Variants in MYO6 observed in about 807,000 individuals in gnomAD.
MYO6 encodes the protein unconventional myosin-VI.
MYO6 carries 74 observed loss-of-function variants against 178.7 expected under a neutral mutation model. The ratio of observed to expected loss-of-function variants is 0.41; its 90% CI spans 0.34 to 0.50. MYO6 has a LOEUF of 0.50. Ranked by LOEUF, MYO6 falls within the 20% of genes least tolerant of loss-of-function variation. MYO6 has a pLI of 0.09. For synonymous variants in MYO6, 477 were observed against 504.6 expected (o/e 0.95, Z 0.73); for missense variants, 1,330 against 1,547.4 (o/e 0.86, Z 2.36).
chr6:75,901,783 G>C (rs898042381), intron 30 of MYO6, among the ~76,000 whole-genome samples: 5 of 152,164 alleles, frequency 3.3e-5, no homozygotes, highest in African/African-American at 1.2e-4. Context: ...TGGTGAGAGA[G>C]GGCATCCCTG....
chr6:75,815,219 A>C (rs1771097551), intron 1 of MYO6, among the ~76,000 whole-genome samples: 1 of 152,206 alleles, frequency 6.6e-6, no homozygotes, highest in African/African-American at 2.4e-5. Flanking sequence ...AAAGCTGACA[A>C]CATTAAGGAA....
At chr6:75,820,670 C>A (rs569244281) in intron 2 of MYO6, among the ~76,000 whole-genome samples, 1 of 152,154 alleles carries the variant, frequency 6.6e-6, no homozygotes, top group Non-Finnish European at 1.5e-5. Context: ...CGCACCTGGC[C>A]AATCTCCATA....
intron 31 of MYO6, 102 bp downstream of exon 31, chr6:75,907,810 G>GTGTGTGTGTGTGTGTA: frequency 1.2e-6 from 1 of 824,348 alleles, no homozygotes; most frequent in Non-Finnish European, 2.0e-6. Context: ...GTGTGTGTGT[G>GTGTGTGTGTGTGTGTA]TGTGTGTATG....
chr6:75,858,258 T>C (rs1253864381), intron 13 of MYO6, among the ~76,000 whole-genome samples: 1 of 152,190 alleles, frequency 6.6e-6, no homozygotes, highest in African/African-American at 2.4e-5. Context: ...TCTAAAGCAC[T>C]TGTATTTTAA....
intron 6 of MYO6, 96 bp downstream of exon 6, chr6:75,833,043 G>C: frequency 1.2e-6 from 1 of 822,076 alleles, no homozygotes; most frequent in Non-Finnish European, 2.1e-6. Context: ...GTGGAATGCA[G>C]TGTCACCACC....
At chr6:75,903,439 G>T (rs1245142316) in intron 30 of MYO6, among the ~76,000 whole-genome samples, 5 of 151,172 alleles carry the variant, frequency 3.3e-5, no homozygotes, top group African/African-American at 7.3e-5. Flanking sequence ...ATTTAGGATA[G>T]TTAGCTCTTC....
intron 1 of MYO6, among the ~76,000 whole-genome samples, chr6:75,806,650 G>T (rs1372567102): frequency 6.6e-6 from 1 of 152,244 alleles, no homozygotes; most frequent in Non-Finnish European, 1.5e-5. Context: ...CCCGCCCAGG[G>T]CGGAAAACTG....
At chr6:75,767,933 A>G (rs1778580238) in intron 1 of MYO6, 1 of 152,228 alleles carries the variant, frequency 6.6e-6, no homozygotes, top group Non-Finnish European at 1.5e-5. Flanking sequence ...TTTAAAAATA[A>G]TGAAATAAGG....
intron 1 of MYO6, among the ~76,000 whole-genome samples, chr6:75,756,454 T>A (rs1308281473): frequency 6.6e-6 from 1 of 152,128 alleles, no homozygotes; most frequent in African/African-American, 2.4e-5. Flanking sequence ...TGCCTCAGCC[T>A]CCTGAGTAGC....
chr6:75,790,436 G>A (rs1562162604), intron 1 of MYO6, among the ~76,000 whole-genome samples: 1 of 150,520 alleles, frequency 6.6e-6, no homozygotes, highest in Non-Finnish European at 1.5e-5. Context: ...GGAGTGCAGT[G>A]GCACGATCTC....
At chr6:75,856,129 G>C (rs913497626) in intron 12 of MYO6, among the ~76,000 whole-genome samples, 1 of 152,164 alleles carries the variant, frequency 6.6e-6, no homozygotes, top group African/African-American at 2.4e-5. Flanking sequence ...GAAGAAGTTT[G>C]TAGAGTACCA....
chr6:75,843,982 A>G (rs1583252896), intron 9 of MYO6, among the ~76,000 whole-genome samples: 1 of 152,164 alleles, frequency 6.6e-6, no homozygotes, highest in African/African-American at 2.4e-5. Context: ...ACCTGATTTA[A>G]GAGAAGCTGA....
chr6:75,908,498 A>G lies in MYO6; in HGVS notation c.3283A>G (p.Ile1095Val). 6.2e-7 allele frequency: 1 copy of G among 1,613,366 alleles called. No homozygotes were observed. Among genetic ancestry groups the G allele is most frequent in the Non-Finnish European group, 8.5e-7 (1 of 1,179,596 alleles). ...LRDTINTSCD[I>V]ELLAACREEF... ...TTTTTGCTCAATGTAATCAATAGAT[A>G]TTGAGCTCCTGGCAGCTTGCAGAGA... Residue 1095 changes from isoleucine (I) to valine (V), a missense_variant and splice_region_variant, in exon 32 of 35, where the codon ATT becomes GTT. Ile to Val is a conservative substitution (Grantham distance 29). Around this residue, in one of 3 missense-constraint regions of MYO6, gnomAD observed 601 missense variants for 626.1 expected, o/e 0.96. Coordinates refer to ENST00000369977, the MANE Select transcript of MYO6 (RefSeq NM_004999.4).
At chr6:75,839,171 A>AT (rs1351948431) in intron 7 of MYO6, among the ~76,000 whole-genome samples, 4 of 151,824 alleles carry the variant, frequency 2.6e-5, no homozygotes, top group African/African-American at 7.3e-5. Flanking sequence ...CTTCATGTTT[A>AT]TTTTTTAATT....
At chr6:75,895,393 T>G (rs897984643) in intron 29 of MYO6, 133 bp downstream of exon 29, 2 of 751,524 alleles carry the variant, frequency 2.7e-6, no homozygotes, top group African/African-American at 3.5e-5. Context: ...ATATTTTTCT[T>G]GTCTAGGAAA....
chr6:75,884,203 A>G (rs1183912037), intron 23 of MYO6, among the ~76,000 whole-genome samples: 2 of 152,194 alleles, frequency 1.3e-5, no homozygotes, highest in Non-Finnish European at 1.5e-5. Flanking sequence ...CTGAAAAAAA[A>G]GTTCAAGGTC....
chr6:75,767,461 A>G (rs769676907), intron 1 of MYO6, among the ~76,000 whole-genome samples: 2 of 151,972 alleles, frequency 1.3e-5, no homozygotes, highest in African/African-American at 2.4e-5. Flanking sequence ...GATGTAAATG[A>G]GAAACTATAA....
chr6:75,915,328 G>T lies in MYO6; in HGVS notation c.*316G>T. ...TACATCCATCGTAATTGTTCTCTAG[G>T]AAAAGAGAACTTTTTTCAAAATTCA... On this transcript the variant is annotated 3_prime_UTR_variant, in exon 35 of 35. Transcript: ENST00000369977. The T allele has an allele frequency of 2.7e-6, 1 of 375,474 alleles. No individual in the cohort carries two copies. Among genetic ancestry groups the T allele is most frequent in the Non-Finnish European group, 5.0e-6 (1 of 199,526 alleles). 23.3% of individuals were successfully genotyped at this position (375,474 alleles called of 1,614,324 possible).
intron 2 of MYO6, among the ~76,000 whole-genome samples, chr6:75,822,220 C>A (rs1771959877): frequency 6.6e-6 from 1 of 151,982 alleles, no homozygotes; most frequent in Non-Finnish European, 1.5e-5. Flanking sequence ...GCCTCAGCCT[C>A]CCCAGTAGCT....
Sources: gnomAD v4.1 joint callset for allele counts (sites outside exome capture counted in the v4.1 genomes callset) on GRCh38, gnomAD v4.1.1 for gene constraint, gnomAD v4.1.1 regional missense constraint, MANE v1.5 for transcripts, NCBI Gene and HGNC (gene_info 2026-07-23, HGNC 2026-07-21) for gene names.